FRMD4B: variants seen among roughly 807,000 people sequenced by gnomAD.
The protein encoded by FRMD4B is FERM domain-containing protein 4B.
A neutral mutation model predicts 141.5 loss-of-function variants in FRMD4B; 74 were observed. The observed-to-expected ratio is 0.52, with a 90% CI of 0.43 to 0.63. The LOEUF is 0.63. FRMD4B is among the 30% of genes least tolerant of loss of function. FRMD4B has a pLI of 0.00. For synonymous variants in FRMD4B, 506 were observed against 467.9 expected, an observed-to-expected ratio of 1.08 and a Z score of -1.05; for missense variants, 1,366 against 1,253.4, an observed-to-expected ratio of 1.09 and a Z score of -1.36.
At chr3:69,526,002 C>G (rs6771347) in intron 1 of FRMD4B, among the ~76,000 whole-genome samples, 5,975 of 152,150 alleles carry the variant, frequency 0.039, 401 homozygotes, top group African/African-American at 0.14. Context: ...CTTTCGGCAT[C>G]CCTCCCACTC....
chr3:69,188,901 G>A (rs2092803131), intron 18 of FRMD4B, among the ~76,000 whole-genome samples: 1 of 151,754 alleles, frequency 6.6e-6, no homozygotes, highest in African/African-American at 2.4e-5. Context: ...CACTCTATTA[G>A]TTGATAGTAA....
intron 1 of FRMD4B, 43 bp downstream of exon 1, chr3:69,385,785 G>C (rs1387465857): frequency 1.4e-6 from 2 of 1,466,326 alleles, no homozygotes; most frequent in Non-Finnish European, 1.8e-6. Flanking sequence ...ACGAGTGCCC[G>C]GCATCCTGCT....
chr3:69,535,222 A>T (rs1701066908), intron 1 of FRMD4B, among the ~76,000 whole-genome samples: 1 of 152,206 alleles, frequency 6.6e-6, no homozygotes, highest in Non-Finnish European at 1.5e-5. Flanking sequence ...TATTCACAAC[A>T]ATGACCTGTC....
chr3:69,276,400 GT>G (rs1433898506), intron 5 of FRMD4B, among the ~76,000 whole-genome samples: 1 of 152,080 alleles, frequency 6.6e-6, no homozygotes, highest in Non-Finnish European at 1.5e-5. Context: ...AGCCTCCTGA[GT>G]AGCTGGGACT....
chr3:69,536,485 G>C (rs542814923), intron 1 of FRMD4B: 5 of 697,474 alleles, frequency 7.2e-6, no homozygotes, highest in African/African-American at 1.8e-5. Flanking sequence ...CACCGCCAAC[G>C]TGCCCTAGCG....
At chr3:69,517,605 T>C (rs1700785675) in intron 1 of FRMD4B, among the ~76,000 whole-genome samples, 1 of 152,136 alleles carries the variant, frequency 6.6e-6, no homozygotes, top group African/African-American at 2.4e-5. Context: ...AAATAACGGA[T>C]TAATGCACAG....
intron 1 of FRMD4B, among the ~76,000 whole-genome samples, chr3:69,537,199 C>T (rs552086307): frequency 1.3e-5 from 2 of 152,202 alleles, no homozygotes; most frequent in African/African-American, 2.4e-5. Context: ...GAAGCCAGCA[C>T]GATCGCCCTG....
At chr3:69,399,261 A>C (rs894745516) in intron 2 of FRMD4B, among the ~76,000 whole-genome samples, 1 of 152,174 alleles carries the variant, frequency 6.6e-6, no homozygotes, top group Non-Finnish European at 1.5e-5. Flanking sequence ...TTTGTGGTCC[A>C]GTTTCTACTG....
chr3:69,350,226 CTCAT>C (rs1412751461), intron 1 of FRMD4B, among the ~76,000 whole-genome samples: 7 of 152,158 alleles, frequency 4.6e-5, no homozygotes, highest in African/African-American at 1.4e-4. Context: ...TGAAAAAATG[CTCAT>C]CATCACTGGC....
At chr3:69,231,754 G>A (rs2093307320) in intron 7 of FRMD4B, among the ~76,000 whole-genome samples, 1 of 152,218 alleles carries the variant, frequency 6.6e-6, no homozygotes, top group Admixed American at 6.5e-5. Context: ...TGCTGCAACG[G>A]TAACGTAAGA....
intron 1 of FRMD4B, among the ~76,000 whole-genome samples, chr3:69,537,078 T>C (rs992544343): frequency 1.3e-5 from 2 of 152,206 alleles, no homozygotes; most frequent in African/African-American, 4.8e-5. Flanking sequence ...TTTAATCTAT[T>C]AAATAGATGC....
chr3:69,407,404 G>T (rs1285487844), intron 2 of FRMD4B, among the ~76,000 whole-genome samples: 1 of 152,142 alleles, frequency 6.6e-6, no homozygotes, highest in Admixed American at 6.5e-5. Flanking sequence ...ATTGCACAGT[G>T]TAATCACTCT....
intron 11 of FRMD4B, among the ~76,000 whole-genome samples, chr3:69,212,153 A>T (rs1353688210): frequency 1.3e-5 from 2 of 151,552 alleles, no homozygotes; most frequent in Non-Finnish European, 2.9e-5. Flanking sequence ...TGAGGTCAGG[A>T]GTTCGAGACC....
At chr3:69,298,263 G>A (rs1701097285) in intron 4 of FRMD4B, among the ~76,000 whole-genome samples, 1 of 152,174 alleles carries the variant, frequency 6.6e-6, no homozygotes, top group Non-Finnish European at 1.5e-5. Flanking sequence ...TTTGCATAAT[G>A]TTTTGCAAAA....
chr3:69,500,994 A>C (rs372583363), intron 1 of FRMD4B, among the ~76,000 whole-genome samples: 1 of 152,212 alleles, frequency 6.6e-6, no homozygotes, highest in Non-Finnish European at 1.5e-5. Flanking sequence ...TTGTATTTTT[A>C]AAATATTATC....
chr3:69,377,347 G>A (rs1405745826), intron 1 of FRMD4B, among the ~76,000 whole-genome samples: 4 of 152,138 alleles, frequency 2.6e-5, no homozygotes, highest in Admixed American at 6.5e-5. Flanking sequence ...TGAAAAAAGT[G>A]TAGCAAGCAG....
At chr3:69,202,175 C>T (rs571558884) in intron 11 of FRMD4B, among the ~76,000 whole-genome samples, 2 of 152,112 alleles carry the variant, frequency 1.3e-5, no homozygotes, top group South Asian at 4.2e-4. Context: ...TGCACTCCAA[C>T]CTTGGCGACA....
intron 11 of FRMD4B, among the ~76,000 whole-genome samples, chr3:69,215,713 T>C (rs1393779399): frequency 6.6e-6 from 1 of 152,184 alleles, no homozygotes; most frequent in Non-Finnish European, 1.5e-5. Flanking sequence ...ACCTGCATCA[T>C]TGAGAGATCA....
At chr3:69,300,774 T>G (rs892353039) in intron 4 of FRMD4B, among the ~76,000 whole-genome samples, 8 of 152,264 alleles carry the variant, frequency 5.3e-5, no homozygotes, top group Non-Finnish European at 1.2e-4. Flanking sequence ...AGTCTCACTC[T>G]GTTCTCCATG....
Sources: gnomAD v4.1 joint callset for allele counts (sites outside exome capture counted in the v4.1 genomes callset) on GRCh38, gnomAD v4.1.1 for gene constraint, MANE v1.5 for transcripts, NCBI Gene and HGNC (gene_info 2026-07-23, HGNC 2026-07-21) for gene names.